The following CYRIB variants were observed in gnomAD, a reference collection of about 807,000 sequenced individuals.
The protein encoded by CYRIB is CYFIP related Rac1 interactor B.
In CYRIB, 8 loss-of-function variants were observed where a neutral mutation model predicts 44.2. That is an observed-to-expected ratio of 0.18 (90% confidence interval 0.11 to 0.33). CYRIB has a LOEUF of 0.33. Among genes scored for constraint, CYRIB ranks in the 10% least tolerant of loss-of-function variants. The pLI, the probability that CYRIB is intolerant of heterozygous loss-of-function variation, is 1.00. For synonymous variants in CYRIB, 131 were observed against 127.2 expected, an observed-to-expected ratio of 1.03 and a Z score of -0.20; for missense variants, 185 against 382.8, an observed-to-expected ratio of 0.48 and a Z score of 4.31.
chr8:129,914,995 T>A (rs1040543683), intron 1 of CYRIB, among the ~76,000 whole-genome samples: 3 of 152,122 alleles, frequency 2.0e-5, no homozygotes, highest in South Asian at 2.1e-4. Context: ...ACTGAAAACA[T>A]ACCAGATGGC....
chr8:129,964,162 C>T (rs920809950), intron 2 of CYRIB, among the ~76,000 whole-genome samples: 1 of 152,196 alleles, frequency 6.6e-6, no homozygotes, highest in Non-Finnish European at 1.5e-5. Context: ...AAAGGTCAGT[C>T]TTTTTAAGTG....
intron 1 of CYRIB, among the ~76,000 whole-genome samples, chr8:130,008,004 T>C (rs1378979772): frequency 4.6e-5 from 7 of 152,096 alleles, no homozygotes; most frequent in Admixed American, 3.9e-4. Flanking sequence ...AGGTCAGGTG[T>C]TCAAGACTGG....
intron 2 of CYRIB, among the ~76,000 whole-genome samples, chr8:129,957,320 A>C (rs1313209460): frequency 6.6e-6 from 1 of 152,200 alleles, no homozygotes; most frequent in East Asian, 1.9e-4. Context: ...GGTTAGAAGA[A>C]GGCCACTAAA....
At chr8:129,876,580 T>G (rs1248734042) in intron 3 of CYRIB, among the ~76,000 whole-genome samples, 2 of 152,214 alleles carry the variant, frequency 1.3e-5, no homozygotes, top group Non-Finnish European at 2.9e-5. Flanking sequence ...GAATAATGAT[T>G]TACTTTAAAG....
intron 1 of CYRIB, among the ~76,000 whole-genome samples, chr8:130,015,785 G>A (rs1377064403): frequency 1.3e-5 from 2 of 152,218 alleles, no homozygotes; most frequent in Non-Finnish European, 2.9e-5. Flanking sequence ...GAAAGATAAT[G>A]AAAAGATAAA....
intron 1 of CYRIB, among the ~76,000 whole-genome samples, chr8:130,007,450 C>T (rs2097127848): frequency 6.6e-6 from 1 of 152,198 alleles, no homozygotes; most frequent in Admixed American, 6.5e-5. Flanking sequence ...ATATTACCTG[C>T]CTCACAGAGT....
At chr8:129,997,928 C>T (rs2096814163) in intron 1 of CYRIB, among the ~76,000 whole-genome samples, 2 of 151,988 alleles carry the variant, frequency 1.3e-5, no homozygotes, top group Non-Finnish European at 2.9e-5. Flanking sequence ...CGAGACCATC[C>T]TGGCCAACAT....
chr8:129,871,512 G>T lies in CYRIB; in HGVS notation c.74-16C>A, dbSNP rs1244177696. The T allele has an allele frequency of 4.4e-6, 7 of 1,601,544 alleles. No individual in the cohort carries two copies. In the Admixed American group the frequency reaches 1.2e-4, roughly 28 times the overall value. ...GGCTGGGCATCTAAACAGCAGGAAA[G>T]CACAAGAAAATTTACAGTGACATGA... On this transcript the variant is annotated splice_polypyrimidine_tract_variant and intron_variant, in intron 3 of 11. Coordinates refer to ENST00000519824, the Ensembl canonical transcript of CYRIB.
upstream of CYRIB, among the ~76,000 whole-genome samples, chr8:129,940,638 C>A (rs985734374): frequency 5.3e-5 from 8 of 152,306 alleles, no homozygotes; most frequent in Middle Eastern, 3.4e-3. Context: ...AACATCCCAT[C>A]TAGCTAGCTT....
intron 2 of CYRIB, among the ~76,000 whole-genome samples, chr8:129,902,394 A>G (rs377715556): frequency 6.6e-6 from 1 of 151,954 alleles, no homozygotes; most frequent in African/African-American, 2.4e-5. Flanking sequence ...AATTTTTTGT[A>G]TTTCTAGTAG....
chr8:129,850,611 G>A, intron 9 of CYRIB: 1 of 535,928 alleles, frequency 1.9e-6, no homozygotes, highest in Non-Finnish European at 3.3e-6. Context: ...TGAGTGGTCT[G>A]AGGTACCTGA....
chr8:129,968,523 T>G (rs1398839870), intron 2 of CYRIB, among the ~76,000 whole-genome samples: 2 of 152,204 alleles, frequency 1.3e-5, no homozygotes, highest in African/African-American at 4.8e-5. Flanking sequence ...TTCCTGAATA[T>G]AGTTTTTCAT....
At position 129,910,531 on chromosome 8, in the gene CYRIB, T is replaced by C. The variant is rs182194829; in HGVS notation, c.-49-7181A>G. ...AAGAGACAAGGGCCAGGTGCAATGG[T>C]TCCTGCCTATAATTCCAACGCTTCA... On this transcript the variant is annotated intron_variant, in intron 1 of 11. Transcript: ENST00000519824. Among the ~76,000 whole-genome samples, 67 of 150,456 alleles carry C rather than the reference T, an allele frequency of 4.5e-4. No individual in the cohort carries two copies. In the South Asian group the frequency reaches 9.7e-3, roughly 22 times the overall value.
chr8:129,915,049 A>G (rs1020589949), intron 1 of CYRIB, among the ~76,000 whole-genome samples: 2 of 152,248 alleles, frequency 1.3e-5, no homozygotes, highest in Non-Finnish European at 1.5e-5. Flanking sequence ...TGGTGAGAAT[A>G]CAGTGCAAAT....
intron 2 of CYRIB, among the ~76,000 whole-genome samples, chr8:129,964,546 C>T (rs2095399424): frequency 6.6e-6 from 1 of 152,164 alleles, no homozygotes; most frequent in Non-Finnish European, 1.5e-5. Flanking sequence ...TACCTGCATG[C>T]CACAGGACTT....
At position 130,008,390 on chromosome 8, in the gene CYRIB, T is replaced by C. The variant is rs78360334; in HGVS notation, c.-296+7980A>G. 4.0e-3 allele frequency: 623 copies of C among 154,234 alleles called. 27 individuals carry two copies. The East Asian group carries it at 0.095, about 23-fold the overall frequency. 9.6% of individuals were successfully genotyped at this position (154,234 alleles called of 1,614,324 possible). A position where few individuals can be genotyped will look rare whatever the true frequency, so the allele number is the denominator to read the frequency against. On this transcript the variant is annotated intron_variant, in intron 1 of 14. Coordinates refer to the CYRIB transcript ENST00000401979. ...CCATTCCAAACCCCTCAGAAAAGCT[T>C]ATCCAATTCCTGAGTGAAAAGAATG...
At chr8:129,979,147 A>C (rs1274595450) in intron 1 of CYRIB, among the ~76,000 whole-genome samples, 1 of 151,998 alleles carries the variant, frequency 6.6e-6, no homozygotes. Flanking sequence ...TCTCAAAATA[A>C]ATAAATAAAT....
intron 1 of CYRIB, among the ~76,000 whole-genome samples, chr8:130,013,910 G>A (rs1291150113): frequency 6.6e-6 from 1 of 152,234 alleles, no homozygotes; most frequent in Non-Finnish European, 1.5e-5. Context: ...GACACGTACT[G>A]TTTCCTGCAT....
At chr8:129,859,110 G>A (rs990059507) in intron 5 of CYRIB, among the ~76,000 whole-genome samples, 4 of 152,194 alleles carry the variant, frequency 2.6e-5, no homozygotes, top group African/African-American at 7.2e-5. Context: ...CGAAGGGGCA[G>A]GATAAGGAGT....
Sources: gnomAD v4.1 joint callset for allele counts (sites outside exome capture counted in the v4.1 genomes callset) on GRCh38, gnomAD v4.1.1 for gene constraint, MANE v1.5 for transcripts, NCBI Gene and HGNC (gene_info 2026-07-23, HGNC 2026-07-21) for gene names.